Variants in ERBB4 observed in about 807,000 individuals in gnomAD.
ERBB4 encodes the protein receptor tyrosine-protein kinase erbB-4.
A neutral mutation model predicts 158.0 loss-of-function variants in ERBB4; 42 were observed. That is an observed-to-expected ratio of 0.27 (90% CI 0.21 to 0.34). The LOEUF (loss-of-function observed/expected upper bound fraction) is 0.34. Ranked by LOEUF, ERBB4 falls within the 10% of genes least tolerant of loss-of-function variation. ERBB4 has a pLI of 1.00. For missense variants in ERBB4, 1,333 were observed against 1,624.1 expected (o/e 0.82, Z 3.08); for synonymous variants, 583 against 558.7 (o/e 1.04, Z -0.61).
chr2:211,443,809 G>T (rs2064044595), intron 20 of ERBB4, among the ~76,000 whole-genome samples: 1 of 151,958 alleles, frequency 6.6e-6, no homozygotes, highest in Non-Finnish European at 1.5e-5. Flanking sequence ...TATCTCATAA[G>T]GTTGTTGTGA....
At chr2:211,936,089 A>G (rs1038335694) in intron 3 of ERBB4, among the ~76,000 whole-genome samples, 2 of 152,168 alleles carry the variant, frequency 1.3e-5, no homozygotes, top group Non-Finnish European at 2.9e-5. Context: ...TTATTTGTAT[A>G]CCAGCAGATA....
intron 1 of ERBB4, among the ~76,000 whole-genome samples, chr2:212,469,209 A>G (rs1688994129): frequency 6.6e-6 from 1 of 152,238 alleles, no homozygotes; most frequent in Non-Finnish European, 1.5e-5. Context: ...TGCTAAAAAT[A>G]GTATCCTTTC....
At chr2:212,277,018 A>G (rs893973376) in intron 1 of ERBB4, among the ~76,000 whole-genome samples, 2 of 151,692 alleles carry the variant, frequency 1.3e-5, no homozygotes, top group African/African-American at 2.4e-5. Flanking sequence ...CATTAATCTC[A>G]CATCAGTGGC....
At chr2:212,011,276 TCCCTCCGTTTGGGGGTC>T (rs2076379886) in intron 2 of ERBB4, among the ~76,000 whole-genome samples, 1 of 152,158 alleles carries the variant, frequency 6.6e-6, no homozygotes, top group South Asian at 2.1e-4. Context: ...CTCCAGCTGG[TCCCTCCGTTTGGGGGTC>T]CCTGACTTCC....
chr2:211,682,050 TCACA>T (rs60803024), intron 12 of ERBB4, among the ~76,000 whole-genome samples: 7,618 of 134,394 alleles, frequency 0.057, 304 homozygotes, highest in African/African-American at 0.11. Flanking sequence ...TTTATACACA[TCACA>T]CACACACACA....
intron 3 of ERBB4, among the ~76,000 whole-genome samples, chr2:211,855,539 A>G (rs778826965): frequency 3.3e-5 from 5 of 152,154 alleles, no homozygotes; most frequent in Non-Finnish European, 5.9e-5. Context: ...TTCTACATAG[A>G]TATCTCATTA....
chr2:211,978,392 G>GTCTATCTATCTATCTA (rs1165469722), intron 2 of ERBB4, among the ~76,000 whole-genome samples: 48 of 102,300 alleles, frequency 4.7e-4, no homozygotes, highest in Admixed American at 7.4e-4. Context: ...CTGTCTGTCT[G>GTCTATCTATCTATCTA]TCTGTCTATC....
intron 2 of ERBB4, among the ~76,000 whole-genome samples, chr2:212,108,498 C>T (rs17344252): frequency 0.054 from 8,141 of 152,164 alleles, 377 homozygotes; most frequent in South Asian, 0.23. Flanking sequence ...GCAGTGTGTT[C>T]AGGGGTCATG....
At chr2:212,409,530 G>C (rs1386186863) in intron 1 of ERBB4, among the ~76,000 whole-genome samples, 1 of 152,052 alleles carries the variant, frequency 6.6e-6, no homozygotes, top group Non-Finnish European at 1.5e-5. Flanking sequence ...GAATTTTTTA[G>C]ATTAAGAATT....
intron 1 of ERBB4, among the ~76,000 whole-genome samples, chr2:212,374,766 G>T (rs2090264829): frequency 6.6e-6 from 1 of 151,846 alleles, no homozygotes; most frequent in South Asian, 2.1e-4. Flanking sequence ...AACAAATAAA[G>T]AAAATTGCAT....
chr2:211,820,746 A>C (rs1023639085), intron 3 of ERBB4, among the ~76,000 whole-genome samples: 1 of 151,904 alleles, frequency 6.6e-6, no homozygotes, highest in Non-Finnish European at 1.5e-5. Context: ...ATAATGATCA[A>C]GTGCGGTTTA....
At chr2:211,651,851 A>T (rs553994610) in intron 16 of ERBB4, among the ~76,000 whole-genome samples, 1 of 152,300 alleles carries the variant, frequency 6.6e-6, no homozygotes, top group African/African-American at 2.4e-5. Context: ...CTAGATGAGA[A>T]CACAGGTCAG....
intron 2 of ERBB4, among the ~76,000 whole-genome samples, chr2:211,954,385 A>G (rs956410864): frequency 8.6e-5 from 13 of 152,006 alleles, no homozygotes; most frequent in African/African-American, 2.9e-4. Flanking sequence ...TTTATTACTT[A>G]TTTTTCTTTA....
intron 19 of ERBB4, among the ~76,000 whole-genome samples, chr2:211,590,834 C>T (rs1574820214): frequency 6.6e-6 from 1 of 152,144 alleles, no homozygotes; most frequent in East Asian, 1.9e-4. Context: ...GTAAGCTGAA[C>T]CCACTGGGTG....
intron 1 of ERBB4, among the ~76,000 whole-genome samples, chr2:212,261,308 T>G (rs2084935808): frequency 6.6e-6 from 1 of 152,168 alleles, no homozygotes; most frequent in African/African-American, 2.4e-5. Flanking sequence ...AAATGAGGAA[T>G]GCTCAGTGGT....
intron 15 of ERBB4, among the ~76,000 whole-genome samples, chr2:211,660,177 T>C (rs1329434870): frequency 1.3e-5 from 2 of 152,128 alleles, no homozygotes; most frequent in South Asian, 2.1e-4. Flanking sequence ...TAACAATCAA[T>C]AAAAAATCAC....
At chr2:212,501,727 C>T (rs1690902390) in intron 1 of ERBB4, among the ~76,000 whole-genome samples, 1 of 152,136 alleles carries the variant, frequency 6.6e-6, no homozygotes, top group Non-Finnish European at 1.5e-5. Flanking sequence ...CCATCTTGGA[C>T]TTTCTTCACA....
chr2:211,927,533 A>T (rs748035645), intron 3 of ERBB4, among the ~76,000 whole-genome samples: 1 of 152,124 alleles, frequency 6.6e-6, no homozygotes, highest in Non-Finnish European at 1.5e-5. Context: ...CTGCTGCCCT[A>T]TTTATGTAAA....
chr2:211,880,697 A>G (rs1396456693), intron 3 of ERBB4, among the ~76,000 whole-genome samples: 2 of 152,208 alleles, frequency 1.3e-5, no homozygotes, highest in East Asian at 3.8e-4. Context: ...TCTTGCTAAA[A>G]TTGAAGCAAA....
Sources: gnomAD v4.1 joint callset for allele counts (sites outside exome capture counted in the v4.1 genomes callset) on GRCh38, gnomAD v4.1.1 for gene constraint, MANE v1.5 for transcripts, NCBI Gene and HGNC (gene_info 2026-07-23, HGNC 2026-07-21) for gene names.